Variants in FAM184B observed in about 807,000 individuals in gnomAD.
FAM184B encodes the protein protein FAM184B.
In FAM184B, 111 loss-of-function variants were observed where a neutral mutation model predicts 135.9. The ratio of observed to expected loss-of-function variants is 0.82; its 90% CI spans 0.70 to 0.96. The LOEUF (loss-of-function observed/expected upper bound fraction) is 0.96. Ranked by LOEUF, FAM184B falls within the 40% of genes least tolerant of loss-of-function variation. The pLI is 0.00. For synonymous variants in FAM184B, 552 were observed against 524.8 expected (o/e 1.05, Z -0.71); for missense variants, 1,375 against 1,323.9 (o/e 1.04, Z -0.60).
At chr4:17,641,634 ACGCCCGGCCTTTTTTTTTTTTTT>A (rs1391379001) in intron 13 of FAM184B, among the ~76,000 whole-genome samples, 4 of 45,562 alleles carry the variant, frequency 8.8e-5, no homozygotes, top group Admixed American at 7.7e-4. Flanking sequence ...ACACACCACC[ACGCCCGGCCTTTTTTTTTTTTTT>A]TTTTTTTTTT....
At chr4:17,636,028 T>C (rs930589356) in intron 15 of FAM184B, among the ~76,000 whole-genome samples, 4 of 124,666 alleles carry the variant, frequency 3.2e-5, no homozygotes, top group African/African-American at 1.1e-4. Flanking sequence ...CTGTTGGACT[T>C]GGGAGTAAAG....
intron 5 of FAM184B, among the ~76,000 whole-genome samples, chr4:17,704,097 C>T (rs1007554115): frequency 6.6e-6 from 1 of 152,148 alleles, no homozygotes; most frequent in Non-Finnish European, 1.5e-5. Context: ...CTACTCGTAA[C>T]CCCCACACAA....
intron 7 of FAM184B, 55 bp downstream of exon 7, chr4:17,688,369 G>C: frequency 7.3e-7 from 1 of 1,365,874 alleles, no homozygotes; most frequent in African/African-American, 1.5e-5. Context: ...ACACTGAAAG[G>C]CTGAGACCGA....
intron 1 of FAM184B, among the ~76,000 whole-genome samples, chr4:17,767,183 C>G (rs868741114): frequency 6.6e-6 from 1 of 152,202 alleles, no homozygotes; most frequent in Non-Finnish European, 1.5e-5. Flanking sequence ...CCGCCCGTGC[C>G]TCTCCCTGCA....
In FAM184B at chr4:17,659,911, G is replaced by A. The variant is rs181219671; in HGVS notation, c.1824+47C>T. 75 of 1,545,032 alleles carry A rather than the reference G, an allele frequency of 4.9e-5. No individual in the cohort carries two copies. The Admixed American group carries it at 9.9e-4, about 20-fold the overall frequency. ...CATTTCCAAGTTTGTAAAAAGGAGG[G>A]GGCAGGATCTCAGGAAGGGGGCACA... On this transcript the variant is annotated intron_variant, in intron 9 of 17. Transcript: ENST00000265018.
chr4:17,719,608 C>T (rs892384546), intron 1 of FAM184B, among the ~76,000 whole-genome samples: 2 of 152,126 alleles, frequency 1.3e-5, no homozygotes, highest in African/African-American at 2.4e-5. Context: ...CCCCTTTTCT[C>T]CTTCATTACC....
At chr4:17,652,802 C>T (rs1715660786) in intron 11 of FAM184B, 28 bp downstream of exon 11, 1 of 1,532,440 alleles carries the variant, frequency 6.5e-7, no homozygotes, top group Non-Finnish European at 8.8e-7. Context: ...TTGGCCAGGC[C>T]CTCCTCAGTA....
chr4:17,744,056 C>T (rs1022840838), intron 1 of FAM184B, among the ~76,000 whole-genome samples: 3 of 152,152 alleles, frequency 2.0e-5, no homozygotes, highest in East Asian at 1.9e-4. Context: ...CAGAGGCCAC[C>T]GGCTTTGACT....
intron 12 of FAM184B, among the ~76,000 whole-genome samples, chr4:17,644,239 A>T (rs960622802): frequency 6.6e-6 from 1 of 152,218 alleles, no homozygotes; most frequent in Admixed American, 6.5e-5. Flanking sequence ...ATGAAAAGTG[A>T]TGCTGGTCAT....
At chr4:17,699,344 A>C (rs1397875844) in intron 5 of FAM184B, among the ~76,000 whole-genome samples, 5 of 152,128 alleles carry the variant, frequency 3.3e-5, no homozygotes. Flanking sequence ...GAAAACTGTA[A>C]ACTCATAGAT....
At position 17,781,128 on chromosome 4, in the gene FAM184B, C is replaced by A; in HGVS notation, c.141+31G>T. On this transcript the variant is annotated intron_variant, in intron 1 of 17. Coordinates refer to ENST00000265018, the MANE Select transcript of FAM184B (RefSeq NM_015688.2). This position sits in a 1 kb window ranked among gnomAD's most constrained non-coding sequence, Gnocchi z 6.5. ...TCCCGGCTCGGGCGCCCCGGGCGTG[C>A]AGCTCGCTGGCCCGCTGCGCCCCAC... The A allele has an allele frequency of 6.7e-7, 1 of 1,489,218 alleles. No individual in the cohort carries two copies. The highest frequency in any genetic ancestry group is 9.0e-7 in the Non-Finnish European group (1 of 1,116,486). 92.3% of individuals were successfully genotyped at this position (1,489,218 alleles called of 1,614,324 possible).
chr4:17,664,921 A>G (rs1325277228), intron 7 of FAM184B, among the ~76,000 whole-genome samples: 1 of 152,190 alleles, frequency 6.6e-6, no homozygotes, highest in African/African-American at 2.4e-5. Flanking sequence ...CACACTGCTG[A>G]CAAAACTAAA....
intron 1 of FAM184B, among the ~76,000 whole-genome samples, chr4:17,724,881 G>A (rs1717607885): frequency 6.6e-6 from 1 of 152,112 alleles, no homozygotes; most frequent in Non-Finnish European, 1.5e-5. Flanking sequence ...TATATTCTAC[G>A]TCAATTCTCT....
rs1047386186 is a variant in FAM184B, at chr4:17,630,574, T to A, written c.*1958A>T. ...TTGTTTATAAATTATCCAGTATAAG[T>A]AAGATATTTTGTTAGAGCAGCCTGA... On this transcript the variant is annotated 3_prime_UTR_variant, in exon 18 of 18. Transcript: ENST00000265018. 6.6e-6 allele frequency: 1 copy of A among 152,116 alleles called. No homozygotes were observed. Among genetic ancestry groups the A allele is most frequent in the African/African-American group, 2.4e-5 (1 of 41,454 alleles). 9.4% of individuals were successfully genotyped at this position (152,116 alleles called of 1,614,324 possible).
chr4:17,663,913 T>C (rs1715983638), intron 8 of FAM184B, among the ~76,000 whole-genome samples: 3 of 151,274 alleles, frequency 2.0e-5, no homozygotes, highest in Non-Finnish European at 1.5e-5. Flanking sequence ...TCTACACACT[T>C]TTCTCTCACC....
intron 11 of FAM184B, among the ~76,000 whole-genome samples, chr4:17,652,185 C>T (rs903555320): frequency 3.8e-5 from 5 of 133,198 alleles, no homozygotes; most frequent in South Asian, 2.3e-4. Flanking sequence ...AGTGCAGTGG[C>T]GCCATCTCGG....
rs977817541 is a variant in FAM184B, at chr4:17,636,836, C to A, written c.2667-191G>T. 8.5e-5 allele frequency among the ~76,000 whole-genome samples: 13 copies of A among 152,266 alleles called. No individual in the cohort carries two copies. The East Asian group carries it at 2.3e-3, about 27-fold the overall frequency. ...ACCCAGGATTCCAGCTCTGTCAGGT[C>A]CCCTGAGGCTGCAGGGCCAGGAAGC... On this transcript the variant is annotated intron_variant, in intron 14 of 17. Transcript: ENST00000265018.
rs111228013 is a variant in FAM184B at position 17,670,975 on chromosome 4, A to C, written c.1597-6316T>G. Reference sequence around the variant, plus strand: ...TGAAAAACTGCAACTCAAAAATCAAACTGAGAGGAGTAATGTCAGCAACAT... The same window carrying C: ...TGAAAAACTGCAACTCAAAAATCAACCTGAGAGGAGTAATGTCAGCAACAT... On this transcript the variant is annotated intron_variant, in intron 7 of 17. Transcript: ENST00000265018. Among the ~76,000 whole-genome samples, 365 of 152,306 alleles carry C rather than the reference A, an allele frequency of 2.4e-3. 8 individuals carry two copies. The highest frequency in any genetic ancestry group is 8.5e-3 in the African/African-American group (355 of 41,580).
chr4:17,771,094 A>G (rs576551824), intron 1 of FAM184B, among the ~76,000 whole-genome samples: 1 of 152,184 alleles, frequency 6.6e-6, no homozygotes, highest in Non-Finnish European at 1.5e-5. Context: ...TTCTATGAAC[A>G]TTCTTGCGTC....
Sources: allele counts gnomAD v4.1 joint callset (sites outside exome capture counted in the v4.1 genomes callset), GRCh38; gene constraint gnomAD v4.1.1; non-coding constraint Gnocchi (gnomAD v3.1); transcripts MANE v1.5; gene names NCBI Gene and HGNC (gene_info 2026-07-23, HGNC 2026-07-21).